The following TMEM67 variants were observed in gnomAD, a reference collection of about 807,000 sequenced individuals.
TMEM67 encodes transmembrane protein 67.
A neutral mutation model predicts 136.6 loss-of-function variants in TMEM67; 124 were observed. That is an observed-to-expected ratio of 0.91 (90% CI 0.78 to 1.05). The LOEUF (loss-of-function observed/expected upper bound fraction) is 1.05. Among genes scored for constraint, TMEM67 ranks in the 50% least tolerant of loss-of-function variants. The probability of loss-of-function intolerance (pLI) is 0.00; values close to 1 mark genes in which losing one functional copy is unlikely to be tolerated. For missense variants in TMEM67, 1,107 were observed against 1,178.4 expected (o/e 0.94, Z 0.89); for synonymous variants, 364 against 390.5 (o/e 0.93, Z 0.80).
chr8:93,759,978 A>ATAAT lies in TMEM67; in HGVS notation c.406+1404_406+1407dup, dbSNP rs58821006. The ATAAT allele has an allele frequency of 3.1e-3, 4,729 of 1,528,958 alleles. 129 individuals carry two copies. In the African/African-American group the frequency reaches 0.057, roughly 18 times the overall value. The allele number at this position is 1,528,958 out of a possible 1,614,324, so 94.7% of individuals were successfully genotyped here. A position where few individuals can be genotyped will look rare whatever the true frequency, so the allele number is the denominator to read the frequency against. On this transcript the variant is annotated intron_variant, in intron 3 of 27. Coordinates refer to ENST00000453321, the MANE Select transcript of TMEM67 (RefSeq NM_153704.6). ...ATGTACTTTAGAAGGAATGTACAAC[A>ATAAT]TAATTGAAGAAATTTGTGAGTATTA...
intron 11 of TMEM67, among the ~76,000 whole-genome samples, chr8:93,782,691 A>G (rs1485384691): frequency 6.7e-6 from 1 of 148,710 alleles, no homozygotes; most frequent in Non-Finnish European, 1.5e-5. Flanking sequence ...CTCCTGCCTC[A>G]GCCTCCCGAG....
At chr8:93,822,752 A>G (rs567138422), downstream of TMEM67, among the ~76,000 whole-genome samples, 2 of 152,330 alleles carry the variant, frequency 1.3e-5, no homozygotes, top group South Asian at 4.1e-4. Context: ...AGGGAATTGA[A>G]TGCTAAAATA....
intron 23 of TMEM67, among the ~76,000 whole-genome samples, chr8:93,806,102 A>T (rs972834553): frequency 6.6e-6 from 1 of 152,200 alleles, no homozygotes; most frequent in African/African-American, 2.4e-5. Flanking sequence ...GGTCTGGAGT[A>T]TAGGCTGCCT....
chr8:93,759,838 A>G lies in TMEM67; in HGVS notation c.406+1262A>G, dbSNP rs903702523. On this transcript the variant is annotated intron_variant, in intron 3 of 27. Coordinates refer to ENST00000453321, the MANE Select transcript of TMEM67 (RefSeq NM_153704.6). Reference sequence around the variant, plus strand: ...TAATTTTATATTTTTAGTGGCTAACAGGGTTTCTCCATGTTGGTCAGGCTG... The same window carrying G: ...TAATTTTATATTTTTAGTGGCTAACGGGGTTTCTCCATGTTGGTCAGGCTG... 2.4e-5 allele frequency: 14 copies of G among 593,838 alleles called. No homozygotes were observed. The East Asian group carries it at 4.4e-4, about 19-fold the overall frequency. The allele number at this position is 593,838 out of a possible 1,614,324, so 36.8% of individuals were successfully genotyped here.
chr8:93,779,325 T>G (rs923255115), intron 7 of TMEM67, among the ~76,000 whole-genome samples: 2 of 152,204 alleles, frequency 1.3e-5, no homozygotes, highest in Non-Finnish European at 2.9e-5. Flanking sequence ...CAGAGAAGTT[T>G]GTTATTACCG....
In TMEM67 at chr8:93,758,428, TAGA is replaced by T. The variant is rs1812677762; in HGVS notation, c.313-47_313-45del. ...TTATGGCATTTTGAACTTACATGAT[TAGA>T]AGAAGAAAGTTAATTAAAAAAGAGA... On this transcript the variant is annotated intron_variant, in intron 2 of 27. Transcript: ENST00000453321. The T allele has an allele frequency of 9.0e-6, 12 of 1,337,940 alleles. No individual in the cohort carries two copies. In the South Asian group the frequency reaches 1.1e-4, roughly 12 times the overall value. 82.9% of individuals were successfully genotyped at this position (1,337,940 alleles called of 1,614,324 possible).
chr8:93,755,022 C>A lies in TMEM67; in HGVS notation c.108C>A (p.Ala36=). The change falls in exon 1 of 28, where the codon GCC becomes GCA. Residue 36 remains alanine, a synonymous_variant. Transcript: ENST00000453321. ...LLLFLPRFLQ[A]QTFSFPFQQP... is the part of the protein sequence containing the mutation. ...TGTTCCTCCCTCGCTTCTTACAGGCCCAGACCTTCTCTTTCCCTTTCCAGC... is the reference window on the plus strand; with the variant it reads ...TGTTCCTCCCTCGCTTCTTACAGGCACAGACCTTCTCTTTCCCTTTCCAGC... 6.2e-7 allele frequency: 1 copy of A among 1,614,184 alleles called. No individual in the cohort carries two copies. Among genetic ancestry groups the A allele is most frequent in the Non-Finnish European group, 8.5e-7 (1 of 1,180,040 alleles).
At position 93,797,168 on chromosome 8, in the gene TMEM67, T is replaced by G. The variant is rs1440787153; in HGVS notation, c.1895T>G (p.Ile632Ser). ...LQFLHKLISQ[I>S]TIDVFFIDWE... ...TTTTTGCATAAGCTCATATCCCAGA[T>G]TACAATAGATGTATTCTTTATTGAT... Residue 632 changes from isoleucine to serine, a missense_variant, in exon 19 of 28, where the codon ATT (isoleucine) becomes AGT (serine). Around this residue, in one of 3 missense-constraint regions of TMEM67, gnomAD observed 925 missense variants for 1,002.4 expected, o/e 0.92. Transcript: ENST00000453321. 2 of 1,612,410 alleles carry G rather than the reference T, an allele frequency of 1.2e-6. No homozygotes were observed. The highest frequency in any genetic ancestry group is 2.7e-5 in the African/African-American group (2 of 74,910).
At chr8:93,793,349 T>C in intron 16 of TMEM67, 53 bp downstream of exon 16, 1 of 1,438,864 alleles carries the variant, frequency 6.9e-7, no homozygotes, top group Non-Finnish European at 9.8e-7. Flanking sequence ...CCATTCTGGA[T>C]CCTTCTCATA....
chr8:93,795,811 CAA>C, intron 17 of TMEM67, 88 bp from the exon 18 acceptor site: 1 of 1,026,724 alleles, frequency 9.7e-7, no homozygotes, highest in Non-Finnish European at 1.5e-6. Flanking sequence ...CCTCCTTTCC[CAA>C]AAAAAAACAA....
intron 13 of TMEM67, among the ~76,000 whole-genome samples, chr8:93,786,851 T>A (rs1350609553): frequency 6.6e-6 from 1 of 152,162 alleles, no homozygotes; most frequent in East Asian, 1.9e-4. Flanking sequence ...CTTAGTGACT[T>A]TCCCACTATA....
intron 2 of TMEM67, among the ~76,000 whole-genome samples, chr8:93,758,074 G>A (rs1812661492): frequency 6.6e-6 from 1 of 152,094 alleles, no homozygotes; most frequent in African/African-American, 2.4e-5. Flanking sequence ...TTAGGTATTT[G>A]AATTTTTAAA....
chr8:93,758,692 G>A, intron 3 of TMEM67, 116 bp downstream of exon 3: 1 of 868,720 alleles, frequency 1.2e-6, no homozygotes, highest in Non-Finnish European at 1.9e-6. Context: ...TTTTTGCAGT[G>A]GCTCAAGCAA....
chr8:93,772,636 AGCAGCT>A lies in TMEM67; in HGVS notation c.703_708del (p.Ala235_Ala236del). 1.9e-6 allele frequency: 3 copies of A among 1,611,988 alleles called. No homozygotes were observed. The highest frequency in any genetic ancestry group is 2.5e-6 in the Non-Finnish European group (3 of 1,178,702). ...GGTTTGCAAAGTATTTGCAATCATC[AGCAGCT>A]GCATGTTGGGTAAGTTTGAATTTTT... On this transcript the variant is annotated inframe_deletion, in exon 7 of 28. Transcript: ENST00000453321.
intron 7 of TMEM67, among the ~76,000 whole-genome samples, chr8:93,777,164 A>G (rs199580616): frequency 2.6e-5 from 4 of 152,098 alleles, no homozygotes; most frequent in African/African-American, 4.8e-5. Context: ...ATTCTCTGAT[A>G]GTAGTTTGTA....
At chr8:93,786,141 G>T in intron 12 of TMEM67, 82 bp from the exon 13 acceptor site, 1 of 1,385,516 alleles carries the variant, frequency 7.2e-7, no homozygotes, top group Non-Finnish European at 1.0e-6. Context: ...TATACTAGTA[G>T]CTTTTTGCAG....
intron 6 of TMEM67, among the ~76,000 whole-genome samples, chr8:93,770,881 G>A (rs543381064): frequency 2.0e-5 from 3 of 152,122 alleles, no homozygotes; most frequent in South Asian, 4.2e-4. Context: ...TGGGCGTGGC[G>A]GCAGGCTCCT....
At chr8:93,808,509 T>TTTATCTATAATAGATCTATTATAGATGA (rs1808547433) in intron 23 of TMEM67, among the ~76,000 whole-genome samples, 8 of 129,110 alleles carry the variant, frequency 6.2e-5, no homozygotes, top group African/African-American at 2.2e-4. Flanking sequence ...TATAGATGAA[T>TTTATCTATAATAGATCTATTATAGATGA]ATATATATTT....
chr8:93,812,063 C>T (rs1344903095), intron 26 of TMEM67, among the ~76,000 whole-genome samples: 3 of 151,134 alleles, frequency 2.0e-5, no homozygotes, highest in African/African-American at 4.9e-5. Context: ...GCAGGAGAAT[C>T]GCTTGAACCC....
Sources: allele counts gnomAD v4.1 joint callset (sites outside exome capture counted in the v4.1 genomes callset), GRCh38; gene constraint gnomAD v4.1.1; regional missense constraint gnomAD v4.1.1; transcripts MANE v1.5; gene names NCBI Gene and HGNC (gene_info 2026-07-23, HGNC 2026-07-21).